The following SP140 variants were observed in gnomAD, a reference collection of about 807,000 sequenced individuals.
The protein encoded by SP140 is SP140 nuclear body protein, also known as nuclear body protein SP140.
In SP140, 81 loss-of-function variants were observed where a neutral mutation model predicts 125.0. The observed-to-expected ratio is 0.65, with a 90% CI of 0.54 to 0.78. The LOEUF (loss-of-function observed/expected upper bound fraction) is 0.78. Ranked by LOEUF, SP140 falls within the 30% of genes least tolerant of loss-of-function variation. The probability of loss-of-function intolerance (pLI) is 0.00; values close to 1 mark genes in which losing one functional copy is unlikely to be tolerated. For synonymous variants in SP140, 312 were observed against 354.0 expected, an observed-to-expected ratio of 0.88 and a Z score of 1.33; for missense variants, 858 against 1,037.0, an observed-to-expected ratio of 0.83 and a Z score of 2.37.
intron 1 of SP140, among the ~76,000 whole-genome samples, chr2:230,232,555 A>T (rs556765305): frequency 6.6e-5 from 10 of 152,154 alleles, no homozygotes; most frequent in Admixed American, 6.5e-4. Context: ...GAACTTTTAC[A>T]TTTTTGAAGT....
At chr2:230,266,023 T>G (rs184343642) in intron 12 of SP140, among the ~76,000 whole-genome samples, 1 of 152,266 alleles carries the variant, frequency 6.6e-6, no homozygotes, top group East Asian at 1.9e-4. Context: ...CTGTTCCATT[T>G]CTGTGTTCCA....
At chr2:230,281,379 A>G (rs2055519021) in intron 15 of SP140, among the ~76,000 whole-genome samples, 1 of 152,226 alleles carries the variant, frequency 6.6e-6, no homozygotes, top group Non-Finnish European at 1.5e-5. Flanking sequence ...AATGTATATC[A>G]TTAAGTAGAG....
intron 10 of SP140, 64 bp downstream of exon 10, chr2:230,251,125 G>A: frequency 1.5e-6 from 2 of 1,347,366 alleles, no homozygotes; most frequent in Non-Finnish European, 2.1e-6. Context: ...TTTGGAGCTT[G>A]TGTTTCCTGA....
intron 21 of SP140, among the ~76,000 whole-genome samples, chr2:230,295,472 G>A (rs1184823018): frequency 2.0e-5 from 3 of 152,184 alleles, no homozygotes; most frequent in Admixed American, 2.0e-4. Flanking sequence ...GAGTCTGGAT[G>A]ACCCAAATGA....
At chr2:230,205,335 C>A (rs1042278382) in intron 1 of SP140, among the ~76,000 whole-genome samples, 4 of 152,190 alleles carry the variant, frequency 2.6e-5, no homozygotes, top group African/African-American at 9.7e-5. Flanking sequence ...TCATCACCAA[C>A]AACACTGGTC....
At chr2:230,231,902 G>A (rs1402734568) in intron 1 of SP140, among the ~76,000 whole-genome samples, 1 of 151,920 alleles carries the variant, frequency 6.6e-6, no homozygotes, top group Admixed American at 6.5e-5. Flanking sequence ...GTAGAGACGG[G>A]GTTTCACCAT....
At chr2:230,218,409 G>C (rs1191038065) in intron 3 of SP140, among the ~76,000 whole-genome samples, 1 of 152,180 alleles carries the variant, frequency 6.6e-6, no homozygotes, top group Non-Finnish European at 1.5e-5. Flanking sequence ...TTGAGAGTCT[G>C]TGGTGGTAAA....
chr2:230,304,311 GA>G (rs2058561825), intron 22 of SP140, among the ~76,000 whole-genome samples: 2 of 152,230 alleles, frequency 1.3e-5, no homozygotes, highest in African/African-American at 4.8e-5. Context: ...TCAATATTGT[GA>G]AAATGATCAT....
chr2:230,206,303 C>A (rs549745496), intron 1 of SP140, among the ~76,000 whole-genome samples: 18 of 152,036 alleles, frequency 1.2e-4, no homozygotes, highest in Non-Finnish European at 2.2e-4. Context: ...TCCAGTGATT[C>A]TTTGTGACCA....
intron 16 of SP140, among the ~76,000 whole-genome samples, chr2:230,285,067 C>A (rs1197777113): frequency 6.6e-6 from 1 of 152,098 alleles, no homozygotes; most frequent in Non-Finnish European, 1.5e-5. Context: ...AAAGAAAAGA[C>A]TAGGAGAATA....
chr2:230,299,653 G>T (rs2058102846), intron 22 of SP140, among the ~76,000 whole-genome samples: 1 of 152,158 alleles, frequency 6.6e-6, no homozygotes, highest in African/African-American at 2.4e-5. Context: ...TGGCAGGCAG[G>T]GAGGGGTGAG....
the SP140 span, among the ~76,000 whole-genome samples, chr2:230,196,487 TG>T: frequency 6.6e-6 from 1 of 151,886 alleles, no homozygotes; most frequent in Admixed American, 6.6e-5. Context: ...AAAAATAAAG[TG>T]GGGGAAGCAG....
the SP140 span, among the ~76,000 whole-genome samples, chr2:230,186,613 A>T: frequency 6.6e-6 from 1 of 152,200 alleles, no homozygotes; most frequent in African/African-American, 2.4e-5. Flanking sequence ...TCGTCTGAGT[A>T]GTGTACATTG....
At chr2:230,304,676 C>T (rs1038126788) in intron 22 of SP140, among the ~76,000 whole-genome samples, 1 of 152,154 alleles carries the variant, frequency 6.6e-6, no homozygotes, top group African/African-American at 2.4e-5. Flanking sequence ...CCCCATTCAA[C>T]CAATAGCACT....
At chr2:230,253,269 TG>T (rs767976942) in intron 10 of SP140, 46 bp from the exon 11 acceptor site, 5 of 1,355,772 alleles carry the variant, frequency 3.7e-6, no homozygotes, top group Non-Finnish European at 5.3e-6. Context: ...TTGGATGGCG[TG>T]AATGCACTGA....
At chr2:230,278,385 A>G (rs2055034888) in intron 15 of SP140, among the ~76,000 whole-genome samples, 1 of 152,006 alleles carries the variant, frequency 6.6e-6, no homozygotes, top group Admixed American at 6.6e-5. Context: ...AGTTCCTTAT[A>G]TATATTTAGG....
At chr2:230,294,182 G>C in intron 20 of SP140, 89 bp from the exon 21 acceptor site, 1 of 1,018,370 alleles carries the variant, frequency 9.8e-7, no homozygotes, top group Non-Finnish European at 1.5e-6. Flanking sequence ...GAACACTCAG[G>C]TAGAAATATT....
downstream of SP140, among the ~76,000 whole-genome samples, chr2:230,314,496 G>T (rs914173127): frequency 1.3e-5 from 2 of 152,214 alleles, no homozygotes; most frequent in Non-Finnish European, 2.9e-5. Context: ...GGCAAGCTTC[G>T]CTACCACAGA....
At chr2:230,220,304 T>C (rs2045705940) in intron 3 of SP140, among the ~76,000 whole-genome samples, 1 of 152,218 alleles carries the variant, frequency 6.6e-6, no homozygotes, top group African/African-American at 2.4e-5. Flanking sequence ...CCTCATTCTG[T>C]ACATTTTAGG....
Sources: allele counts gnomAD v4.1 joint callset (sites outside exome capture counted in the v4.1 genomes callset), GRCh38; gene constraint gnomAD v4.1.1; transcripts MANE v1.5; gene names NCBI Gene and HGNC (gene_info 2026-07-23, HGNC 2026-07-21).